RGN: variants seen among roughly 807,000 people sequenced by gnomAD.
The protein encoded by RGN is epididymis secretory protein Li 41.
A neutral mutation model predicts 20.6 loss-of-function variants in RGN; 19 were observed. The ratio of observed to expected loss-of-function variants is 0.92; its 90% CI spans 0.64 to 1.35. The LOEUF is 1.35. RGN is among the 40% of genes most tolerant of loss of function. The pLI is 0.00. For missense variants in RGN, 302 were observed against 232.7 expected (o/e 1.30, Z -1.94); for synonymous variants, 85 against 87.2 (o/e 0.97, Z 0.14).
At chrX:47,078,955 CT>C (rs781962121) in intron 1 of RGN, among the ~76,000 whole-genome samples, 1,214 of 78,603 alleles carry the variant, frequency 0.015, 8 homozygotes, top group African/African-American at 0.018. Context: ...CCCACCCCCG[CT>C]TTTTTTTTTT....
At position 47,080,854 on chromosome X, in the gene RGN, G is replaced by A; in HGVS notation, c.-98G>A. ...ACTATTTCAACAGCCAGTTCTCTGA[G>A]GGTCACAAACACCAAGGAGTGGAGG... On this transcript the variant is annotated 5_prime_UTR_variant, in exon 2 of 8. Transcript: ENST00000397180. 3.9e-6 allele frequency: 1 copy of A among 258,032 alleles called. No individual in the cohort carries two copies. The allele number at this position is 258,032 out of a possible 1,213,427, so 21.3% of individuals were successfully genotyped here. A position where few individuals can be genotyped will look rare whatever the true frequency, so the allele number is the denominator to read the frequency against.
intron 7 of RGN, among the ~76,000 whole-genome samples, 182 bp downstream of exon 7, chrX:47,092,397 T>C (rs189060660): frequency 2.2e-4 from 25 of 112,164 alleles, no homozygotes; most frequent in African/African-American, 8.1e-4. Flanking sequence ...TTATCTGAAG[T>C]CCAAGATGAT....
intron 4 of RGN, among the ~76,000 whole-genome samples, chrX:47,087,900 AATC>A (rs1332472601): frequency 9.8e-6 from 1 of 101,703 alleles, no homozygotes; most frequent in African/African-American, 3.5e-5. Flanking sequence ...TATATAATAT[AATC>A]ATATTATATA....
At chrX:47,083,925 C>CAA (rs1158565764) in intron 3 of RGN, among the ~76,000 whole-genome samples, 1 of 101,139 alleles carries the variant, frequency 9.9e-6, no homozygotes, top group African/African-American at 3.6e-5. Flanking sequence ...ACAAAACAAA[C>CAA]AAAAAAAAAA....
chrX:47,093,055 C>T lies in RGN; in HGVS notation c.*108C>T, dbSNP rs1931082417. 3 of 606,855 alleles carry T rather than the reference C, an allele frequency of 4.9e-6. No homozygotes were observed. The highest frequency in any genetic ancestry group is 5.6e-5 in the South Asian group (2 of 35,558). The allele number at this position is 606,855 out of a possible 1,213,427, so 50.0% of individuals were successfully genotyped here. A position where few individuals can be genotyped will look rare whatever the true frequency, so the allele number is the denominator to read the frequency against. The stretch of plus-strand genomic sequence containing the variant: ...AAAAATGAGGCAATGATTTTATTAA[C>T]AGCGTTAAGTTTTAATTTACAACTT... On this transcript the variant is annotated 3_prime_UTR_variant, in exon 8 of 8. Transcript: ENST00000397180.
intron 2 of RGN, 38 bp from the exon 3 acceptor site, chrX:47,081,092 T>G: frequency 9.8e-7 from 1 of 1,020,335 alleles, no homozygotes; most frequent in South Asian, 1.9e-5. Context: ...ATTTGTTCTG[T>G]GCGATGACCT....
chrX:47,085,655 A>T (rs1930556726), intron 4 of RGN, among the ~76,000 whole-genome samples: 1 of 98,061 alleles, frequency 1.0e-5, no homozygotes, highest in Admixed American at 1.0e-4. Context: ...TCCTTTATTT[A>T]AAAAAAAAAT....
chrX:47,089,969 T>A lies in RGN; in HGVS notation c.540T>A (p.Tyr180Ter). ...SLSYSVDAFDYDLQTGQISNR... is the reference protein window; with the variant it reads ...SLSYSVDAFD ...CCTACTCCGTGGATGCCTTTGACTA[T>A]GACCTGCAGACAGGACAGATCTGTA... The change falls in exon 5 of 8, where the codon TAT (tyrosine) becomes TAA (stop). Residue 180 changes from tyrosine (Y) to a stop codon, truncating the protein, a stop_gained. Coordinates refer to ENST00000397180, the MANE Select transcript of RGN (RefSeq NM_152869.4). LOFTEE classifies it high-confidence loss of function. 1.7e-6 allele frequency: 2 copies of A among 1,196,888 alleles called. No individual in the cohort carries two copies. The highest frequency in any genetic ancestry group is 2.3e-6 in the Non-Finnish European group (2 of 883,719).
intron 3 of RGN, among the ~76,000 whole-genome samples, chrX:47,081,959 A>G (rs1226131858): frequency 1.8e-5 from 2 of 112,067 alleles, no homozygotes; most frequent in African/African-American, 6.5e-5. Flanking sequence ...TCAGGCCAAG[A>G]CCTTAATTTT....
At chrX:47,090,964 G>GAA (rs1390186122) in intron 5 of RGN, among the ~76,000 whole-genome samples, 4 of 104,277 alleles carry the variant, frequency 3.8e-5, no homozygotes, top group African/African-American at 1.4e-4. Flanking sequence ...AAGAAAGAAA[G>GAA]AAAGAAAGAA....
chrX:47,083,840 A>G (rs1195622755), intron 3 of RGN, among the ~76,000 whole-genome samples: 1 of 109,318 alleles, frequency 9.1e-6, no homozygotes, highest in Non-Finnish European at 1.9e-5. Context: ...TGAACCCAGG[A>G]GGCAGAGGTT....
chrX:47,085,257 G>T (rs1556383808), intron 4 of RGN, among the ~76,000 whole-genome samples: 1 of 111,498 alleles, frequency 9.0e-6, no homozygotes, highest in Non-Finnish European at 1.9e-5. Context: ...GGTGGCTCAC[G>T]CCTGTAATCC....
intron 3 of RGN, 104 bp downstream of exon 3, chrX:47,081,411 C>A: frequency 1.4e-6 from 1 of 711,629 alleles, no homozygotes; most frequent in African/African-American, 2.1e-5. Flanking sequence ...ACACTTGTCA[C>A]GCTGTCTGTC....
Position 47,084,589 on chromosome X carries a change from G to C in RGN, c.335G>C (p.Arg112Thr). The stretch of plus-strand genomic sequence containing the variant: ...GATGGGAAGGTGGATCCCGCCGGGA[G>C]GTACTTTGCTGGTAAGATTTCTCTT... Reference protein sequence around the residue: ...FNDGKVDPAGRYFAGTMAEET... With the variant: ...FNDGKVDPAGTYFAGTMAEET... The change falls in exon 4 of 8, where the codon AGG becomes ACG. Residue 112 changes from arginine (R) to threonine (T), a missense_variant. By Grantham distance (71) the Arg-to-Thr change is moderately conservative. Coordinates refer to ENST00000397180, the MANE Select transcript of RGN (RefSeq NM_152869.4). 2 of 1,185,686 alleles carry C rather than the reference G, an allele frequency of 1.7e-6. No individual in the cohort carries two copies. Among genetic ancestry groups the C allele is most frequent in the Non-Finnish European group, 2.3e-6 (2 of 880,918 alleles).
In RGN at chrX:47,081,225, C is replaced by A. The variant is rs1331024910; in HGVS notation, c.81C>A (p.Asn27Lys). The change falls in exon 3 of 8, where the codon AAC becomes AAA. Residue 27 changes from asparagine (N) to lysine (K), a missense_variant. By Grantham distance (94) the Asn-to-Lys change is moderately conservative. Coordinates refer to ENST00000397180, the MANE Select transcript of RGN (RefSeq NM_152869.4). The part of the protein sequence containing the change: ...GESPVWEEVS[N>K]SLLFVDIPAK... The stretch of plus-strand genomic sequence containing the variant: ...CTCCAGTATGGGAGGAAGTGTCCAA[C>A]TCTCTGCTCTTTGTAGACATTCCTG... The A allele has an allele frequency of 6.6e-6, 8 of 1,208,033 alleles. No homozygotes were observed. The Middle Eastern group carries it at 9.2e-4, about 139-fold the overall frequency.
At chrX:47,090,032 G>GT (rs1569540641) in intron 5 of RGN, 41 bp downstream of exon 5, 13 of 993,500 alleles carry the variant, frequency 1.3e-5, no homozygotes, top group Non-Finnish European at 1.7e-5. Flanking sequence ...TGCCACTATT[G>GT]TTTTCATATG....
chrX:47,092,156 C>A lies in RGN; in HGVS notation c.790C>A (p.Arg264=), dbSNP rs782730477. ...CTCTGAAATGTATGTGACCTGCGCC[C>A]GGGATGGGATGGACCCCGAGGGTCT... The part of the protein sequence containing the change: ...NYSEMYVTCA[R]DGMDPEGLLR... Residue 264 remains arginine (R), a synonymous_variant, in exon 7 of 8, where the codon CGG becomes AGG. Coordinates refer to ENST00000397180, the MANE Select transcript of RGN (RefSeq NM_152869.4). 5.8e-6 allele frequency: 7 copies of A among 1,198,960 alleles called. No homozygotes were observed. Among genetic ancestry groups the A allele is most frequent in the Non-Finnish European group, 7.9e-6 (7 of 889,087 alleles).
chrX:47,079,681 T>C (rs1556380512), intron 1 of RGN, among the ~76,000 whole-genome samples: 1 of 110,902 alleles, frequency 9.0e-6, no homozygotes, highest in South Asian at 3.8e-4. Flanking sequence ...TCCACCCAGC[T>C]CGGCCTCCCA....
chrX:47,081,493 A>C (rs1464926824), intron 3 of RGN, among the ~76,000 whole-genome samples, 186 bp downstream of exon 3: 4 of 96,765 alleles, frequency 4.1e-5, no homozygotes, highest in African/African-American at 1.5e-4. Context: ...TTCCTCTTTG[A>C]ATGAGGGGCA....
Sources: gnomAD v4.1 joint callset for allele counts (sites outside exome capture counted in the v4.1 genomes callset) on GRCh38, gnomAD v4.1.1 for gene constraint, MANE v1.5 for transcripts, NCBI Gene and HGNC (gene_info 2026-07-23, HGNC 2026-07-21) for gene names.